FAM43A: variants seen among roughly 807,000 people sequenced by gnomAD.
FAM43A encodes family with sequence similarity 43 member A.
In FAM43A, 11 loss-of-function variants were observed where a neutral mutation model predicts 15.7. The ratio of observed to expected loss-of-function variants is 0.70; its 90% CI spans 0.44 to 1.16. The LOEUF (loss-of-function observed/expected upper bound fraction) is 1.16. Ranked by LOEUF, FAM43A falls within the 50% of genes most tolerant of loss-of-function variation. The pLI, the probability that FAM43A is intolerant of heterozygous loss-of-function variation, is 0.00. For missense variants in FAM43A, 573 were observed against 620.0 expected, an observed-to-expected ratio of 0.92 and a Z score of 0.80; for synonymous variants, 319 against 291.7, an observed-to-expected ratio of 1.09 and a Z score of -0.96.
At position 194,687,132 on chromosome 3, in the gene FAM43A, G is replaced by A. The variant is rs1719436151; in HGVS notation, c.306G>A (p.Ala102=). 1 of 1,612,976 alleles carries A rather than the reference G, an allele frequency of 6.2e-7. No homozygotes were observed. Among genetic ancestry groups the A allele is most frequent in the African/African-American group, 1.3e-5 (1 of 74,944 alleles). ...AVGKIWSKSE[A]GRQGTKMKLT... is the part of the protein sequence containing the mutation. ...GCAAGATCTGGAGCAAGAGCGAGGC[G>A]GGCCGTCAGGGCACCAAGATGAAGC... The change falls in exon 1 of 1, where the codon GCG becomes GCA. Residue 102 remains alanine, a synonymous_variant. Transcript: ENST00000329759.
rs1227618500 is a variant in FAM43A at position 194,687,869 on chromosome 3, A to G, written c.1043A>G (p.Asp348Gly). The change falls in exon 1 of 1, where the codon GAC (aspartate) becomes GGC (glycine). Residue 348 changes from aspartate to glycine, a missense_variant. Asp to Gly is a moderately conservative substitution (Grantham distance 94, BLOSUM62 -1). Coordinates refer to ENST00000329759, the MANE Select transcript of FAM43A (RefSeq NM_153690.5). ...PPPLLLGSAS[D>G]MKAELSQLIS... Reference sequence around the variant, plus strand: ...CCTCTGCTGCTGGGCAGCGCCTCCGACATGAAGGCTGAGCTGTCGCAACTT... The same window carrying G: ...CCTCTGCTGCTGGGCAGCGCCTCCGGCATGAAGGCTGAGCTGTCGCAACTT... 4.1e-6 allele frequency: 6 copies of G among 1,464,490 alleles called. No homozygotes were observed. Among genetic ancestry groups the G allele is most frequent in the Non-Finnish European group, 5.4e-6 (6 of 1,107,460 alleles). 90.7% of individuals were successfully genotyped at this position (1,464,490 alleles called of 1,614,324 possible).
Position 194,686,676 on chromosome 3 carries a change from C to T in FAM43A, c.-151C>T, listed in dbSNP as rs3752798. 4 of 662,738 alleles carry T rather than the reference C, an allele frequency of 6.0e-6. No homozygotes were observed. The highest frequency in any genetic ancestry group is 1.9e-5 in the African/African-American group (1 of 52,252). 41.1% of individuals were successfully genotyped at this position (662,738 alleles called of 1,614,324 possible). Reference sequence around the variant, plus strand: ...TCCTAAGCACTCTCTCTGCTCCCCTCCCCCCAACTCCCTACCACAGGGCCG... The same window carrying T: ...TCCTAAGCACTCTCTCTGCTCCCCTTCCCCCAACTCCCTACCACAGGGCCG... On this transcript the variant is annotated 5_prime_UTR_variant, in exon 1 of 1. Coordinates refer to ENST00000329759, the MANE Select transcript of FAM43A (RefSeq NM_153690.5).
In FAM43A at chr3:194,687,814, G is replaced by T. The variant is rs1719456834; in HGVS notation, c.988G>T (p.Gly330Cys). ...GRGEALGGGG[G>C]SLGPGAGPPP... ...TGGGGAGGCGCTAGGAGGCGGCGGG[G>T]GCTCCCTGGGCCCGGGGGCCGGGCC... Residue 330 changes from glycine to cysteine, a missense_variant, in exon 1 of 1, where the codon GGC (glycine) becomes TGC (cysteine). Transcript: ENST00000329759. 2 of 1,452,002 alleles carry T rather than the reference G, an allele frequency of 1.4e-6. No individual in the cohort carries two copies. Among genetic ancestry groups the T allele is most frequent in the Non-Finnish European group, 1.8e-6 (2 of 1,099,504 alleles). 89.9% of individuals were successfully genotyped at this position (1,452,002 alleles called of 1,614,324 possible). A position where few individuals can be genotyped will look rare whatever the true frequency, so the allele number is the denominator to read the frequency against.
rs1719443488 is a variant in FAM43A at position 194,687,424 on chromosome 3, A to C, written c.598A>C (p.Lys200Gln). The C allele has an allele frequency of 3.3e-6, 5 of 1,536,156 alleles. No individual in the cohort carries two copies. Among genetic ancestry groups the C allele is most frequent in the Non-Finnish European group, 4.4e-6 (5 of 1,139,092 alleles). Reference protein sequence around the residue: ...QTSANALAEFKRLKRRDDARH... With the variant: ...QTSANALAEFQRLKRRDDARH... ...GTCGGCCAACGCGCTGGCGGAATTT[A>C]AACGCCTCAAGCGGCGGGACGACGC... is the stretch of plus-strand genomic sequence containing the variant. Residue 200 changes from lysine (K) to glutamine (Q), a missense_variant, in exon 1 of 1, where the codon AAA becomes CAA. Transcript: ENST00000329759.
chr3:194,686,309 G>A lies in FAM43A; in HGVS notation c.-518G>A, dbSNP rs1455905796. Among the ~76,000 whole-genome samples, 4 of 152,220 alleles carry A rather than the reference G, an allele frequency of 2.6e-5. No homozygotes were observed. Among genetic ancestry groups the A allele is most frequent in the Non-Finnish European group, 4.4e-5 (3 of 68,038 alleles). On this transcript the variant is annotated 5_prime_UTR_variant, in exon 1 of 1. Transcript: ENST00000329759. Reference sequence around the variant, plus strand: ...GGCCCCTAGGCACACTCGCTGTAGAGTTTCCGCGGGTTTTGGCCCCAGTCC... The same window carrying A: ...GGCCCCTAGGCACACTCGCTGTAGAATTTCCGCGGGTTTTGGCCCCAGTCC...
Position 194,687,807 on chromosome 3 carries a change from C to A in FAM43A, c.981C>A (p.Gly327=). The A allele has an allele frequency of 1.4e-6, 2 of 1,452,192 alleles. No homozygotes were observed. Among genetic ancestry groups the A allele is most frequent in the South Asian group, 2.9e-5 (2 of 68,048 alleles). The allele number at this position is 1,452,192 out of a possible 1,614,324, so 90.0% of individuals were successfully genotyped here. A position where few individuals can be genotyped will look rare whatever the true frequency, so the allele number is the denominator to read the frequency against. ...ATGGCCGTGGGGAGGCGCTAGGAGG[C>A]GGCGGGGGCTCCCTGGGCCCGGGGG... is the stretch of plus-strand genomic sequence containing the variant. ...LENGRGEALG[G]GGGSLGPGAG... Residue 327 remains glycine, a synonymous_variant, in exon 1 of 1, where the codon GGC becomes GGA. Transcript: ENST00000329759.
Position 194,686,675 on chromosome 3 carries a change from TC to T in FAM43A, c.-146del. On this transcript the variant is annotated 5_prime_UTR_variant, in exon 1 of 1. Coordinates refer to ENST00000329759, the MANE Select transcript of FAM43A (RefSeq NM_153690.5). ...TTCCTAAGCACTCTCTCTGCTCCCC[TC>T]CCCCCAACTCCCTACCACAGGGCCG... is the stretch of plus-strand genomic sequence containing the variant. The T allele has an allele frequency of 3.0e-6, 2 of 655,948 alleles. No homozygotes were observed. The highest frequency in any genetic ancestry group is 4.4e-6 in the Non-Finnish European group (2 of 455,854). The allele number at this position is 655,948 out of a possible 1,614,324, so 40.6% of individuals were successfully genotyped here. A position where few individuals can be genotyped will look rare whatever the true frequency, so the allele number is the denominator to read the frequency against.
rs1719449723 is a variant in FAM43A at position 194,687,628 on chromosome 3, G to A, written c.802G>A (p.Glu268Lys). The A allele has an allele frequency of 7.0e-6, 11 of 1,564,084 alleles. No individual in the cohort carries two copies. The highest frequency in any genetic ancestry group is 9.5e-6 in the Non-Finnish European group (11 of 1,153,836). ...LGEQLEQELQ[E>K]EEEEEQPEGC... ...CGAACAGCTGGAGCAGGAGCTGCAG[G>A]AGGAAGAGGAAGAGGAGCAACCCGA... The change falls in exon 1 of 1, where the codon GAG (glutamate) becomes AAG (lysine). Residue 268 changes from glutamate to lysine, a missense_variant. By Grantham distance (56) the Glu-to-Lys change is moderately conservative (BLOSUM62 1). Transcript: ENST00000329759.
At position 194,686,672 on chromosome 3, in the gene FAM43A, C is replaced by G. The variant is rs1040088446; in HGVS notation, c.-155C>G. On this transcript the variant is annotated 5_prime_UTR_variant, in exon 1 of 1. Coordinates refer to ENST00000329759, the MANE Select transcript of FAM43A (RefSeq NM_153690.5). ...GGGTTCCTAAGCACTCTCTCTGCTC[C>G]CCTCCCCCCAACTCCCTACCACAGG... 1 of 635,332 alleles carries G rather than the reference C, an allele frequency of 1.6e-6. No individual in the cohort carries two copies. Among genetic ancestry groups the G allele is most frequent in the Non-Finnish European group, 2.3e-6 (1 of 437,026 alleles). 39.4% of individuals were successfully genotyped at this position (635,332 alleles called of 1,614,324 possible).
Position 194,688,200 on chromosome 3 carries a change from T to A in FAM43A, c.*102T>A. ...CCCCAGGAAGGGGGAAATGGGGCATTTGGGGCCCAGACCTACACTTGGAGC... is the reference window on the plus strand; with the variant it reads ...CCCCAGGAAGGGGGAAATGGGGCATATGGGGCCCAGACCTACACTTGGAGC... On this transcript the variant is annotated 3_prime_UTR_variant, in exon 1 of 1. Transcript: ENST00000329759. 7.5e-6 allele frequency: 9 copies of A among 1,207,558 alleles called. No homozygotes were observed. Among genetic ancestry groups the A allele is most frequent in the South Asian group, 8.2e-5 (2 of 24,328 alleles). The allele number at this position is 1,207,558 out of a possible 1,614,324, so 74.8% of individuals were successfully genotyped here.
chr3:194,687,528 C>T lies in FAM43A; in HGVS notation c.702C>T (p.Pro234=), dbSNP rs747738629. 1.3e-6 allele frequency: 2 copies of T among 1,572,154 alleles called. No individual in the cohort carries two copies. Among genetic ancestry groups the T allele is most frequent in the East Asian group, 2.3e-5 (1 of 42,798 alleles). The change falls in exon 1 of 1, where the codon CCC becomes CCT. Residue 234 remains proline, a synonymous_variant. Transcript: ENST00000329759. ...VPLRKLLLHG[P]CCYKPPVERS... ...TGCGCAAGCTGCTCCTACACGGACCCTGCTGCTATAAACCGCCGGTGGAGC... is the reference window on the plus strand; with the variant it reads ...TGCGCAAGCTGCTCCTACACGGACCTTGCTGCTATAAACCGCCGGTGGAGC...
In FAM43A at chr3:194,687,564, C is replaced by G; in HGVS notation, c.738C>G (p.Ser246Arg). The change falls in exon 1 of 1, where the codon AGC becomes AGG. Residue 246 changes from serine (S) to arginine (R), a missense_variant. Physicochemically the swap from Ser to Arg is moderately radical, Grantham distance 110. Coordinates refer to ENST00000329759, the MANE Select transcript of FAM43A (RefSeq NM_153690.5). ...CYKPPVERSR[S>R]APKLGSITED... Reference sequence around the variant, plus strand: ...AACCGCCGGTGGAGCGCAGCCGCAGCGCGCCCAAGCTTGGCTCCATCACCG... The same window carrying G: ...AACCGCCGGTGGAGCGCAGCCGCAGGGCGCCCAAGCTTGGCTCCATCACCG... 6.3e-7 allele frequency: 1 copy of G among 1,586,490 alleles called. No homozygotes were observed. The highest frequency in any genetic ancestry group is 2.3e-5 in the East Asian group (1 of 43,636).
In FAM43A at chr3:194,686,707, A is replaced by G; in HGVS notation, c.-120A>G. Reference sequence around the variant, plus strand: ...AACTCCCTACCACAGGGCCGCTCCCAGTAGTTTTATTCTTCGATCTTGCCC... The same window carrying G: ...AACTCCCTACCACAGGGCCGCTCCCGGTAGTTTTATTCTTCGATCTTGCCC... On this transcript the variant is annotated 5_prime_UTR_variant, in exon 1 of 1. Coordinates refer to ENST00000329759, the MANE Select transcript of FAM43A (RefSeq NM_153690.5). 2 of 1,033,746 alleles carry G rather than the reference A, an allele frequency of 1.9e-6. No homozygotes were observed. Among genetic ancestry groups the G allele is most frequent in the South Asian group, 2.9e-5 (1 of 33,934 alleles). 64.0% of individuals were successfully genotyped at this position (1,033,746 alleles called of 1,614,324 possible). A position where few individuals can be genotyped will look rare whatever the true frequency, so the allele number is the denominator to read the frequency against.
In FAM43A at chr3:194,687,896, T is replaced by C. The variant is rs1577268298; in HGVS notation, c.1070T>C (p.Ile357Thr). Reference protein sequence around the residue: ...SDMKAELSQLISDLGELSFGN... With the variant: ...SDMKAELSQLTSDLGELSFGN... ...ATGAAGGCTGAGCTGTCGCAACTTA[T>C]TAGCGACCTGGGCGAGCTCAGCTTC... Residue 357 changes from isoleucine to threonine, a missense_variant, in exon 1 of 1, where the codon ATT becomes ACT. Physicochemically the swap from Ile to Thr is moderately conservative, Grantham distance 89 (BLOSUM62 -1). Transcript: ENST00000329759. The C allele has an allele frequency of 8.2e-6, 12 of 1,470,872 alleles. No homozygotes were observed. The East Asian group carries it at 2.7e-4, about 33-fold the overall frequency. 91.1% of individuals were successfully genotyped at this position (1,470,872 alleles called of 1,614,324 possible).
rs1271446901 is a variant in FAM43A at position 194,686,600 on chromosome 3, G to T, written c.-227G>T. 2 of 387,858 alleles carry T rather than the reference G, an allele frequency of 5.2e-6. No homozygotes were observed. The highest frequency in any genetic ancestry group is 8.5e-5 in the East Asian group (2 of 23,648). The allele number at this position is 387,858 out of a possible 1,614,324, so 24.0% of individuals were successfully genotyped here. On this transcript the variant is annotated 5_prime_UTR_variant, in exon 1 of 1. Transcript: ENST00000329759. The stretch of plus-strand genomic sequence containing the variant: ...CCGCACCAACCTTTTTTGCACACTC[G>T]AAGCTGAATATTTTCTTTTTTAGAG...
rs1300659245 is a variant in FAM43A, at chr3:194,687,507, C to A, written c.681C>A (p.Arg227=). Residue 227 remains arginine, a synonymous_variant, in exon 1 of 1, where the codon CGC becomes CGA. Transcript: ENST00000329759. ...GAHTIPLVPL[R]KLLLHGPCCY... ...ACACCATCCCGCTAGTGCCGCTGCG[C>A]AAGCTGCTCCTACACGGACCCTGCT... 6.5e-7 allele frequency: 1 copy of A among 1,549,640 alleles called. No individual in the cohort carries two copies. Among genetic ancestry groups the A allele is most frequent in the Middle Eastern group, 1.7e-4 (1 of 5,824 alleles).
At position 194,687,046 on chromosome 3, in the gene FAM43A, T is replaced by G; in HGVS notation, c.220T>G (p.Tyr74Asp). 1 of 1,613,302 alleles carries G rather than the reference T, an allele frequency of 6.2e-7. No individual in the cohort carries two copies. Among genetic ancestry groups the G allele is most frequent in the South Asian group, 1.1e-5 (1 of 91,042 alleles). The change falls in exon 1 of 1, where the codon TAC (tyrosine) becomes GAC (aspartate). Residue 74 changes from tyrosine (Y) to aspartate (D), a missense_variant. Tyr to Asp is a radical substitution (Grantham distance 160). Transcript: ENST00000329759. ...TSEDPTYTVL[Y>D]LGNATTIQAR... ...CGAGGACCCAACTTACACCGTGCTCTACCTGGGCAATGCCACCACCATCCA... is the reference window on the plus strand; with the variant it reads ...CGAGGACCCAACTTACACCGTGCTCGACCTGGGCAATGCCACCACCATCCA...
Position 194,687,948 on chromosome 3 carries a change from C to G in FAM43A, c.1122C>G (p.Ala374=), listed in dbSNP as rs759586488. 8.3e-6 allele frequency: 12 copies of G among 1,439,858 alleles called. No individual in the cohort carries two copies. In the East Asian group the frequency reaches 1.8e-4, roughly 22 times the overall value. 89.2% of individuals were successfully genotyped at this position (1,439,858 alleles called of 1,614,324 possible). ...GCAACGACGTGCGCACCCTGCAGGC[C>G]GACTTGCGGGTGACGCGCCTGCTGT... ...SFGNDVRTLQ[A]DLRVTRLLSG... The change falls in exon 1 of 1, where the codon GCC becomes GCG. Residue 374 remains alanine (A), a synonymous_variant. Coordinates refer to ENST00000329759, the MANE Select transcript of FAM43A (RefSeq NM_153690.5).
chr3:194,687,739 G>A lies in FAM43A; in HGVS notation c.913G>A (p.Ala305Thr), dbSNP rs148102584. Residue 305 changes from alanine (A) to threonine (T), a missense_variant, in exon 1 of 1, where the codon GCC becomes ACC. Coordinates refer to ENST00000329759, the MANE Select transcript of FAM43A (RefSeq NM_153690.5). ...CGAGGCGCAGCGTGCGCTAGTGGTC[G>A]CCATGCACTTTGAGTGCGGGGACTT... ...EAEAQRALVV[A>T]MHFECGDLLD... The A allele has an allele frequency of 1.2e-5, 18 of 1,553,420 alleles. No individual in the cohort carries two copies. The African/African-American group carries it at 2.0e-4, about 18-fold the overall frequency.
Sources: gnomAD v4.1 joint callset for allele counts (sites outside exome capture counted in the v4.1 genomes callset) on GRCh38, gnomAD v4.1.1 for gene constraint, MANE v1.5 for transcripts, NCBI Gene and HGNC (gene_info 2026-07-23, HGNC 2026-07-21) for gene names.